The following XIRP2 variants were observed in gnomAD, a reference collection of about 807,000 sequenced individuals.
The protein encoded by XIRP2 is xin actin-binding repeat-containing protein 2.
In XIRP2, 236 loss-of-function variants were observed where a neutral mutation model predicts 277.0. That is an observed-to-expected ratio of 0.85 (90% CI 0.77 to 0.95). XIRP2 has a LOEUF of 0.95. XIRP2 is among the 40% of genes least tolerant of loss of function. The probability of loss-of-function intolerance (pLI) is 0.00; values close to 1 mark genes in which losing one functional copy is unlikely to be tolerated. For synonymous variants in XIRP2, 1,490 were observed against 1,416.5 expected (o/e 1.05, Z -1.17); for missense variants, 4,640 against 4,157.5 (o/e 1.12, Z -3.19).
chr2:167,055,059 C>T (rs904325376), intron 2 of XIRP2, among the ~76,000 whole-genome samples: 2 of 152,204 alleles, frequency 1.3e-5, no homozygotes, highest in African/African-American at 2.4e-5. Flanking sequence ...TAGACTCACT[C>T]ATGCATCTGT....
intron 2 of XIRP2, among the ~76,000 whole-genome samples, chr2:166,927,130 A>G (rs1315827268): frequency 6.6e-6 from 1 of 152,102 alleles, no homozygotes; most frequent in East Asian, 1.9e-4. Context: ...GTTCCAGTTT[A>G]CTGGTATAGA....
chr2:167,052,792 T>C (rs1688946748), intron 2 of XIRP2, among the ~76,000 whole-genome samples: 1 of 152,102 alleles, frequency 6.6e-6, no homozygotes, highest in African/African-American at 2.4e-5. Flanking sequence ...AAAGACAAAA[T>C]CATTGTTTCT....
At chr2:167,088,284 A>T (rs80179915) in intron 2 of XIRP2, among the ~76,000 whole-genome samples, 4,182 of 152,176 alleles carry the variant, frequency 0.027, 75 homozygotes, top group East Asian at 0.051. Flanking sequence ...CTTTTATCCT[A>T]GCCACCTCTT....
Position 167,249,820 on chromosome 2 carries a change from T to C in XIRP2, c.8428T>C (p.Ser2810Pro), listed in dbSNP as rs1001312081. The C allele has an allele frequency of 4.3e-6, 7 of 1,613,224 alleles. No homozygotes were observed. The African/African-American group carries it at 9.4e-5, about 22-fold the overall frequency. ...VPRKQREFSG[S>P]DRGKLPGSEE... is the part of the protein sequence containing the mutation. ...CAGGAAGCAAAGAGAATTTAGCGGA[T>C]CTGACAGAGGGAAACTTCCAGGAAG... Residue 2810 changes from serine (S) to proline (P), a missense_variant, in exon 9 of 11, where the codon TCT becomes CCT. Coordinates refer to ENST00000409195, the MANE Select transcript of XIRP2 (RefSeq NM_152381.6).
chr2:167,163,714 C>G (rs1361367070), intron 3 of XIRP2, among the ~76,000 whole-genome samples: 2 of 152,216 alleles, frequency 1.3e-5, no homozygotes, highest in African/African-American at 4.8e-5. Flanking sequence ...TCTATGATCT[C>G]TGAACCTCTT....
chr2:167,201,252 AAGAAAGAAAGAGAG>A (rs1214177226), intron 3 of XIRP2, among the ~76,000 whole-genome samples: 5 of 71,772 alleles, frequency 7.0e-5, no homozygotes, highest in African/African-American at 3.7e-4. Context: ...GAAAGAAAGA[AAGAAAGAAAGAGAG>A]AGGGAGAAAG....
chr2:167,209,963 C>A (rs1693973607), intron 3 of XIRP2, among the ~76,000 whole-genome samples: 1 of 152,070 alleles, frequency 6.6e-6, no homozygotes, highest in South Asian at 2.1e-4. Context: ...TGTGATTGTG[C>A]AATCAGTCTT....
At chr2:167,066,619 C>T (rs760273941) in intron 2 of XIRP2, among the ~76,000 whole-genome samples, 9 of 152,090 alleles carry the variant, frequency 5.9e-5, no homozygotes, top group African/African-American at 4.8e-5. Flanking sequence ...CCCACTTCTA[C>T]GTACATATCC....
chr2:166,889,857 C>T (rs1386109613), intron 1 of XIRP2: 1 of 98,706 alleles, frequency 1.0e-5, no homozygotes, highest in African/African-American at 2.9e-5. Context: ...AGCCCCATCT[C>T]CACCTTCTTC....
intron 2 of XIRP2, among the ~76,000 whole-genome samples, chr2:166,974,104 C>A (rs547407335): frequency 6.6e-6 from 1 of 152,250 alleles, no homozygotes; most frequent in Admixed American, 6.5e-5. Context: ...TAGGTTTCAA[C>A]TTAAAAAATA....
chr2:167,014,787 A>G (rs1279127689), intron 2 of XIRP2, among the ~76,000 whole-genome samples: 11 of 151,828 alleles, frequency 7.2e-5, no homozygotes, highest in African/African-American at 2.7e-4. Flanking sequence ...CCTGTGCCAA[A>G]TGTTAAGTTC....
chr2:167,052,317 A>G (rs1350518068), intron 2 of XIRP2, among the ~76,000 whole-genome samples: 1 of 151,972 alleles, frequency 6.6e-6, no homozygotes, highest in Non-Finnish European at 1.5e-5. Context: ...CTTTTTTTTA[A>G]ATAGGGGAAA....
intron 2 of XIRP2, among the ~76,000 whole-genome samples, chr2:166,977,371 T>A (rs75099728): frequency 0.037 from 5,594 of 152,298 alleles, 117 homozygotes; most frequent in East Asian, 0.06. Flanking sequence ...TTTGGACTAC[T>A]TGACATTATC....
intron 2 of XIRP2, among the ~76,000 whole-genome samples, chr2:166,986,348 G>C (rs915722938): frequency 2.0e-5 from 3 of 152,186 alleles, no homozygotes; most frequent in African/African-American, 7.2e-5. Flanking sequence ...ATGTAATGTA[G>C]CCACTGGAGA....
chr2:167,190,440 G>T (rs373423575), intron 3 of XIRP2, among the ~76,000 whole-genome samples: 1 of 152,100 alleles, frequency 6.6e-6, no homozygotes, highest in East Asian at 1.9e-4. Flanking sequence ...TCATTCTCGG[G>T]AGACTCCAGG....
At chr2:167,141,379 A>G (rs1691713414) in intron 3 of XIRP2, among the ~76,000 whole-genome samples, 2 of 152,180 alleles carry the variant, frequency 1.3e-5, no homozygotes, top group Admixed American at 1.3e-4. Flanking sequence ...AGACAAAAAG[A>G]AAAAGAAAAA....
intron 2 of XIRP2, among the ~76,000 whole-genome samples, chr2:166,980,101 G>A (rs1686827057): frequency 1.3e-5 from 2 of 151,958 alleles, no homozygotes; most frequent in East Asian, 1.9e-4. Flanking sequence ...AAGAAATTTA[G>A]CCATTTTTTC....
chr2:167,146,838 C>T (rs534170903), intron 3 of XIRP2, among the ~76,000 whole-genome samples: 54 of 151,704 alleles, frequency 3.6e-4, no homozygotes, highest in South Asian at 1.0e-3. Context: ...GTACGTAATA[C>T]GACAGAATTA....
intron 2 of XIRP2, among the ~76,000 whole-genome samples, chr2:166,942,392 A>G (rs1460004584): frequency 6.6e-6 from 1 of 152,176 alleles, no homozygotes; most frequent in African/African-American, 2.4e-5. Flanking sequence ...TATTTTCATG[A>G]AAAACTTCAA....
Sources: gnomAD v4.1 joint callset for allele counts (sites outside exome capture counted in the v4.1 genomes callset) on GRCh38, gnomAD v4.1.1 for gene constraint, MANE v1.5 for transcripts, NCBI Gene and HGNC (gene_info 2026-07-23, HGNC 2026-07-21) for gene names.